MARCHF1: variants seen among roughly 807,000 people sequenced by gnomAD.
The protein encoded by MARCHF1 is membrane associated ring-CH-type finger 1.
In MARCHF1, 40 loss-of-function variants were observed where a neutral mutation model predicts 54.2. That is an observed-to-expected ratio of 0.74 (90% CI 0.57 to 0.96). The LOEUF is 0.96. Ranked by LOEUF, MARCHF1 falls within the 40% of genes least tolerant of loss-of-function variation. MARCHF1 has a pLI of 0.00. For missense variants in MARCHF1, 586 were observed against 656.5 expected, an observed-to-expected ratio of 0.89 and a Z score of 1.17; for synonymous variants, 236 against 236.3, an observed-to-expected ratio of 1.00 and a Z score of 0.01.
rs999199464 is a variant in MARCHF1 at position 163,739,428 on chromosome 4, G to A, written c.112-38565C>T. 7.2e-5 allele frequency among the ~76,000 whole-genome samples: 11 copies of A among 152,270 alleles called. No homozygotes were observed. In the East Asian group the frequency reaches 1.3e-3, roughly 19 times the overall value. ...CTAGAAAATTCAGTATGATGAAAACGACATCCCCGCTTTTGACATTTATGT... is the reference window on the plus strand; with the variant it reads ...CTAGAAAATTCAGTATGATGAAAACAACATCCCCGCTTTTGACATTTATGT... On this transcript the variant is annotated intron_variant, in intron 4 of 9. Coordinates refer to ENST00000514618, the MANE Select transcript of MARCHF1 (RefSeq NM_001394959.1).
intron 4 of MARCHF1, among the ~76,000 whole-genome samples, chr4:163,777,656 T>G (rs567440258): frequency 2.0e-4 from 31 of 152,288 alleles, no homozygotes; most frequent in Non-Finnish European, 2.6e-4. Context: ...TAAAAATTTT[T>G]AGGGGTATAA....
chr4:163,615,418 T>C (rs1160565422), intron 5 of MARCHF1, among the ~76,000 whole-genome samples: 1 of 151,994 alleles, frequency 6.6e-6, no homozygotes, highest in African/African-American at 2.4e-5. Context: ...TCAATAGTGT[T>C]TCCAAACCCC....
intron 2 of MARCHF1, among the ~76,000 whole-genome samples, chr4:163,997,161 A>G (rs963275842): frequency 6.6e-6 from 1 of 151,996 alleles, no homozygotes; most frequent in South Asian, 2.1e-4. Context: ...CCAAGAGCAG[A>G]GAAAAGCAAA....
At chr4:163,597,968 G>C (rs77857694) in intron 7 of MARCHF1, among the ~76,000 whole-genome samples, 5,292 of 152,248 alleles carry the variant, frequency 0.035, 315 homozygotes, top group East Asian at 0.19. Context: ...GGACAGAAAA[G>C]TATTGTCTGC....
chr4:163,624,991 T>G (rs2110970788), intron 5 of MARCHF1, among the ~76,000 whole-genome samples: 1 of 152,314 alleles, frequency 6.6e-6, no homozygotes, highest in South Asian at 2.1e-4. Context: ...TCTAACAAAT[T>G]AAATACAAAA....
At chr4:164,336,235 C>T (rs74424255) in intron 1 of MARCHF1, among the ~76,000 whole-genome samples, 2,435 of 152,208 alleles carry the variant, frequency 0.016, 75 homozygotes, top group East Asian at 0.13. Flanking sequence ...AAAGACAGCC[C>T]ATGTCAGATA....
At chr4:163,995,394 T>C (rs1753056074) in intron 2 of MARCHF1, among the ~76,000 whole-genome samples, 2 of 152,078 alleles carry the variant, frequency 1.3e-5, no homozygotes, top group Admixed American at 1.3e-4. Flanking sequence ...TTTTATGATA[T>C]GATTGATTAA....
chr4:164,289,216 C>T (rs1021237393), intron 1 of MARCHF1, among the ~76,000 whole-genome samples: 3 of 151,884 alleles, frequency 2.0e-5, no homozygotes, highest in African/African-American at 7.2e-5. Context: ...GTATTAGAGT[C>T]TAATGATAAA....
intron 4 of MARCHF1, among the ~76,000 whole-genome samples, chr4:163,845,210 T>C (rs1310358806): frequency 6.6e-6 from 1 of 152,118 alleles, no homozygotes; most frequent in African/African-American, 2.4e-5. Flanking sequence ...GAACTATAAT[T>C]TATTTATTTC....
intron 1 of MARCHF1, among the ~76,000 whole-genome samples, chr4:164,286,550 C>T (rs1734151462): frequency 6.6e-6 from 1 of 151,650 alleles, no homozygotes; most frequent in African/African-American, 2.4e-5. Flanking sequence ...GACTCAGTTT[C>T]CTTGGTACTA....
At chr4:163,744,591 A>G (rs1347832527) in intron 4 of MARCHF1, among the ~76,000 whole-genome samples, 4 of 152,222 alleles carry the variant, frequency 2.6e-5, no homozygotes, top group Non-Finnish European at 5.9e-5. Flanking sequence ...AAGTGTCCAG[A>G]ATAATACCTG....
intron 4 of MARCHF1, among the ~76,000 whole-genome samples, chr4:163,715,447 C>T (rs1745228027): frequency 6.6e-6 from 1 of 152,136 alleles, no homozygotes; most frequent in Non-Finnish European, 1.5e-5. Context: ...AGTGGCCTCA[C>T]GTGCTTTCAA....
intron 4 of MARCHF1, among the ~76,000 whole-genome samples, chr4:163,853,111 C>G (rs1489773790): frequency 2.0e-5 from 3 of 152,068 alleles, no homozygotes; most frequent in African/African-American, 7.2e-5. Flanking sequence ...TTATAAGTTA[C>G]CAGTTTATGG....
chr4:163,838,339 G>A (rs1288425557), intron 4 of MARCHF1, among the ~76,000 whole-genome samples: 2 of 152,032 alleles, frequency 1.3e-5, no homozygotes, highest in Admixed American at 6.5e-5. Flanking sequence ...GGAAATAGTT[G>A]TTATACCATA....
intron 1 of MARCHF1, among the ~76,000 whole-genome samples, chr4:164,164,199 C>T (rs976428555): frequency 3.2e-4 from 49 of 151,050 alleles, no homozygotes; most frequent in African/African-American, 1.2e-3. Flanking sequence ...CAAATGAAGC[C>T]CAATGTAAGC....
chr4:164,098,826 C>A (rs147328229), intron 2 of MARCHF1, among the ~76,000 whole-genome samples: 2 of 152,122 alleles, frequency 1.3e-5, no homozygotes, highest in Non-Finnish European at 2.9e-5. Flanking sequence ...ACTAGTAATG[C>A]ATTTAGACAC....
chr4:163,895,799 G>A (rs1239711288), intron 3 of MARCHF1, among the ~76,000 whole-genome samples: 4 of 152,046 alleles, frequency 2.6e-5, no homozygotes, highest in East Asian at 1.9e-4. Context: ...TGAGTGCCTC[G>A]GCTGTCACTA....
chr4:163,767,098 T>TA (rs530799338), intron 4 of MARCHF1, among the ~76,000 whole-genome samples: 4,551 of 106,570 alleles, frequency 0.043, 224 homozygotes, highest in African/African-American at 0.12. Flanking sequence ...TACGGCGATG[T>TA]AAAAAAAAAA....
chr4:163,953,421 A>G (rs1046750642), intron 3 of MARCHF1, among the ~76,000 whole-genome samples: 2 of 152,202 alleles, frequency 1.3e-5, no homozygotes, highest in African/African-American at 4.8e-5. Flanking sequence ...AAGTTTAAAC[A>G]AGATGAAATA....
Sources: gnomAD v4.1 joint callset for allele counts (sites outside exome capture counted in the v4.1 genomes callset) on GRCh38, gnomAD v4.1.1 for gene constraint, MANE v1.5 for transcripts, NCBI Gene and HGNC (gene_info 2026-07-23, HGNC 2026-07-21) for gene names.